The following B9D1 variants were observed in gnomAD, a reference collection of about 807,000 sequenced individuals.
The protein encoded by B9D1 is B9 domain-containing protein 1.
B9D1 carries 20 observed loss-of-function variants against 26.1 expected under a neutral mutation model. The observed-to-expected ratio is 0.77, with a 90% CI of 0.54 to 1.12. The LOEUF is 1.12. Ranked by LOEUF, B9D1 falls within the 50% of genes most tolerant of loss-of-function variation. The pLI is 0.00. For missense variants in B9D1, 260 were observed against 273.7 expected (o/e 0.95, Z 0.35); for synonymous variants, 105 against 103.1 (o/e 1.02, Z -0.11).
intron 3 of B9D1, among the ~76,000 whole-genome samples, chr17:19,352,513 A>ACT (rs1185685443): frequency 2.4e-5 from 3 of 125,116 alleles, no homozygotes; most frequent in East Asian, 4.2e-4. Flanking sequence ...GGGCCTGGCT[A>ACT]ATTTTTTTTT....
At chr17:19,365,951 C>T (rs1305599833), upstream of B9D1, among the ~76,000 whole-genome samples, 2 of 151,470 alleles carry the variant, frequency 1.3e-5, no homozygotes, top group Non-Finnish European at 2.9e-5. The surrounding 1 kb of genome is among the most constrained non-coding windows in gnomAD (Gnocchi z 5.0). Context: ...CTTTTTCATG[C>T]CTCCTGGTTT....
At position 19,362,717 on chromosome 17, in the gene B9D1, G is replaced by C; in HGVS notation, c.-148C>G. ...GCGAAGGCCACGCGAGTGCGCGTGT[G>C]GCATGCGCAGGCGCAGTGAACGGGC... On this transcript the variant is annotated 5_prime_UTR_variant, in exon 1 of 7. Transcript: ENST00000261499. 1.3e-6 allele frequency: 2 copies of C among 1,529,434 alleles called. No individual in the cohort carries two copies. The highest frequency in any genetic ancestry group is 8.8e-7 in the Non-Finnish European group (1 of 1,141,674). The allele number at this position is 1,529,434 out of a possible 1,614,324, so 94.7% of individuals were successfully genotyped here. A position where few individuals can be genotyped will look rare whatever the true frequency, so the allele number is the denominator to read the frequency against.
At chr17:19,363,930 G>T (rs1342961979), upstream of B9D1, among the ~76,000 whole-genome samples, 1 of 152,180 alleles carries the variant, frequency 6.6e-6, no homozygotes, top group Non-Finnish European at 1.5e-5. Flanking sequence ...GGGTGGGCTG[G>T]TGGCCCAAGT....
intron 3 of B9D1, among the ~76,000 whole-genome samples, chr17:19,355,054 T>C (rs1164392154): frequency 6.6e-6 from 1 of 152,188 alleles, no homozygotes; most frequent in Non-Finnish European, 1.5e-5. Context: ...CAATTCCATA[T>C]GGCAGACTTT....
Position 19,347,978 on chromosome 17 carries a change from G to C in B9D1, c.245-98C>G. On this transcript the variant is annotated intron_variant, in intron 3 of 6. Coordinates refer to ENST00000261499, the MANE Select transcript of B9D1 (RefSeq NM_015681.6). This position sits in a 1 kb window ranked among gnomAD's most constrained non-coding sequence, Gnocchi z 4.3. Reference sequence around the variant, plus strand: ...GTCCAGCTGAGGGTGCTCAAAGGATGGAGCTCAAAACTCTGGGGTGGCAGG... The same window carrying C: ...GTCCAGCTGAGGGTGCTCAAAGGATCGAGCTCAAAACTCTGGGGTGGCAGG... 9.4e-7 allele frequency: 1 copy of C among 1,067,810 alleles called. No homozygotes were observed. Among genetic ancestry groups the C allele is most frequent in the Non-Finnish European group, 1.4e-6 (1 of 707,170 alleles). The allele number at this position is 1,067,810 out of a possible 1,614,324, so 66.1% of individuals were successfully genotyped here.
At chr17:19,374,517 TTTAAC>T (rs1176804720) in intron 1 of B9D1, among the ~76,000 whole-genome samples, 1 of 152,212 alleles carries the variant, frequency 6.6e-6, no homozygotes, top group Non-Finnish European at 1.5e-5. Context: ...AACAATACTC[TTTAAC>T]TTGACACTCC....
intron 1 of B9D1, chr17:19,371,636 G>C (rs544967401): frequency 2.0e-5 from 3 of 152,332 alleles, no homozygotes; most frequent in Non-Finnish European, 4.4e-5. Flanking sequence ...CAATACCCCT[G>C]TTGGGAAGAG....
chr17:19,343,062 A>C, downstream of B9D1: 2 of 1,381,010 alleles, frequency 1.4e-6, no homozygotes, highest in Non-Finnish European at 1.9e-6. Context: ...CTTCCACGGC[A>C]CAAGGGGTAG....
downstream of B9D1, among the ~76,000 whole-genome samples, chr17:19,340,114 G>A (rs758495618): frequency 2.8e-4 from 42 of 149,326 alleles, no homozygotes; most frequent in Admixed American, 2.7e-4. Flanking sequence ...CCTTGACTGG[G>A]CAGGGATGCA....
chr17:19,339,946 T>C (rs1907761312), downstream of B9D1, among the ~76,000 whole-genome samples: 1 of 151,436 alleles, frequency 6.6e-6, no homozygotes, highest in East Asian at 2.0e-4. Flanking sequence ...TGCAGCTTTG[T>C]GACACCGACA....
chr17:19,338,878 A>C (rs1469076810), downstream of B9D1, among the ~76,000 whole-genome samples: 1 of 152,244 alleles, frequency 6.6e-6, no homozygotes, highest in Admixed American at 6.5e-5. Context: ...TAGGATCATG[A>C]GTGATAAATG....
Position 19,347,791 on chromosome 17 carries a change from G to T in B9D1, c.334C>A (p.Pro112Thr). ...GYGAVHVPFS[P>T]GRHKRTIPMF... ...GTCAGAATGAGGACCTACCGGCCAGGTGAGAAGGGCACGTGCACGGCCCCA... is the reference window on the plus strand; with the variant it reads ...GTCAGAATGAGGACCTACCGGCCAGTTGAGAAGGGCACGTGCACGGCCCCA... Residue 112 changes from proline (P) to threonine (T), a missense_variant, in exon 4 of 7, where the codon CCT (proline) becomes ACT (threonine). Pro to Thr is a conservative substitution (Grantham distance 38). Coordinates refer to ENST00000261499, the MANE Select transcript of B9D1 (RefSeq NM_015681.6). This position sits in a 1 kb window ranked among gnomAD's most constrained non-coding sequence, Gnocchi z 4.3. 3.1e-6 allele frequency: 5 copies of T among 1,613,814 alleles called. No homozygotes were observed. The highest frequency in any genetic ancestry group is 4.2e-6 in the Non-Finnish European group (5 of 1,179,880).
chr17:19,342,367 A>G (rs1325616305), downstream of B9D1, among the ~76,000 whole-genome samples: 1 of 152,162 alleles, frequency 6.6e-6, no homozygotes, highest in Non-Finnish European at 1.5e-5. Flanking sequence ...GGCAAGTGCC[A>G]TGACGACAGT....
rs1910636261 is a variant in B9D1 at position 19,358,443 on chromosome 17, CCTG to C, written c.133-495_133-493del. On this transcript the variant is annotated intron_variant, in intron 2 of 6. Transcript: ENST00000261499. ...CACACTCACCGGCTCCAATTCCTCCCCTGCTATTCTTTTGTGACCCCACTCCAA... is the reference window on the plus strand; with the variant it reads ...CACACTCACCGGCTCCAATTCCTCCCCTATTCTTTTGTGACCCCACTCCAA... Among the ~76,000 whole-genome samples the C allele has an allele frequency of 2.0e-5, 3 of 152,226 alleles. No homozygotes were observed. The South Asian group carries it at 6.2e-4, about 32-fold the overall frequency.
At chr17:19,365,059 C>T (rs1432596937), upstream of B9D1, among the ~76,000 whole-genome samples, 1 of 152,268 alleles carries the variant, frequency 6.6e-6, no homozygotes, top group East Asian at 1.9e-4. The surrounding 1 kb of genome is among the most constrained non-coding windows in gnomAD (Gnocchi z 5.0). Context: ...TTACTGAAAT[C>T]GGGTTCAAAC....
chr17:19,362,765 CA>C (rs1911315502), upstream of B9D1: 19 of 1,178,530 alleles, frequency 1.6e-5, no homozygotes, highest in Admixed American at 2.1e-5. Context: ...GGGCGGGGCA[CA>C]AGGGGCGGGG....
chr17:19,369,996 G>A (rs946118641), intron 1 of B9D1, among the ~76,000 whole-genome samples: 1 of 152,132 alleles, frequency 6.6e-6, no homozygotes, highest in Non-Finnish European at 1.5e-5. Flanking sequence ...CCTGCAGATT[G>A]AGAGAGGAAA....
At chr17:19,339,509 G>T (rs531260833), downstream of B9D1, among the ~76,000 whole-genome samples, 2 of 152,222 alleles carry the variant, frequency 1.3e-5, no homozygotes, top group East Asian at 3.9e-4. Context: ...ACAAGAGTTT[G>T]TTTTTTCTGT....
chr17:19,341,184 A>G, downstream of B9D1: 1 of 1,231,422 alleles, frequency 8.1e-7, no homozygotes, highest in Non-Finnish European at 1.0e-6. Context: ...GGCTGGACAA[A>G]TGGGGCCTGA....
Sources: allele counts gnomAD v4.1 joint callset (sites outside exome capture counted in the v4.1 genomes callset), GRCh38; gene constraint gnomAD v4.1.1; non-coding constraint Gnocchi (gnomAD v3.1); transcripts MANE v1.5; gene names NCBI Gene and HGNC (gene_info 2026-07-23, HGNC 2026-07-21).